NAPEPLD: variants seen among roughly 807,000 people sequenced by gnomAD.
NAPEPLD encodes N-acyl phosphatidylethanolamine phospholipase D.
NAPEPLD carries 23 observed loss-of-function variants against 38.1 expected under a neutral mutation model. That is an observed-to-expected ratio of 0.60 (90% confidence interval 0.43 to 0.86). The LOEUF is 0.86. NAPEPLD is among the 40% of genes least tolerant of loss of function. NAPEPLD has a pLI of 0.00. For missense variants in NAPEPLD, 411 were observed against 476.8 expected, an observed-to-expected ratio of 0.86 and a Z score of 1.28; for synonymous variants, 147 against 162.0, an observed-to-expected ratio of 0.91 and a Z score of 0.71.
intron 1 of NAPEPLD, among the ~76,000 whole-genome samples, chr7:103,132,779 C>T (rs1047797665): frequency 4.0e-5 from 6 of 151,122 alleles, no homozygotes; most frequent in Non-Finnish European, 4.4e-5. Flanking sequence ...AGCGAGACTC[C>T]GTCTCAAAGA....
At chr7:103,113,636 TTTTTTTTTTC>T (rs1209123750) in intron 4 of NAPEPLD, among the ~76,000 whole-genome samples, 1 of 27,616 alleles carries the variant, frequency 3.6e-5, no homozygotes, top group African/African-American at 4.4e-5. Flanking sequence ...CTTTTTTTTT[TTTTTTTTTTC>T]TCAAGACAGA....
At position 103,143,183 on chromosome 7, in the gene NAPEPLD, T is replaced by C. The variant is rs143682724; in HGVS notation, c.-17+5628A>G. Among the ~76,000 whole-genome samples, 31 of 152,216 alleles carry C rather than the reference T, an allele frequency of 2.0e-4. No individual in the cohort carries two copies. In the East Asian group the frequency reaches 5.6e-3, roughly 28 times the overall value. On this transcript the variant is annotated intron_variant, in intron 1 of 4. Coordinates refer to ENST00000465647, the MANE Select transcript of NAPEPLD (RefSeq NM_001122838.3). ...TCAAGGCTGTAGTGAGCCGTGATCATGCCACTGCACTCCAGCCTGGGTGAC... is the reference window on the plus strand; with the variant it reads ...TCAAGGCTGTAGTGAGCCGTGATCACGCCACTGCACTCCAGCCTGGGTGAC...
intron 2 of NAPEPLD, among the ~76,000 whole-genome samples, chr7:103,125,653 C>T (rs968083931): frequency 7.9e-5 from 12 of 152,016 alleles, no homozygotes; most frequent in Non-Finnish European, 1.8e-4. Flanking sequence ...GAAGCCGGGG[C>T]GGGTGGATCA....
intron 3 of NAPEPLD, among the ~76,000 whole-genome samples, chr7:103,117,971 T>C (rs1305918173): frequency 6.6e-6 from 1 of 152,096 alleles, no homozygotes; most frequent in Non-Finnish European, 1.5e-5. Flanking sequence ...TCACTTGAGG[T>C]CAGGAGTTCA....
chr7:103,127,450 T>C (rs1337214043), intron 2 of NAPEPLD: 1 of 152,148 alleles, frequency 6.6e-6, no homozygotes, highest in African/African-American at 2.4e-5. Flanking sequence ...GGAAGTTCAC[T>C]GAAAATATGC....
intron 4 of NAPEPLD, among the ~76,000 whole-genome samples, chr7:103,105,914 C>G (rs1386107933): frequency 9.3e-6 from 1 of 108,076 alleles, no homozygotes; most frequent in African/African-American, 3.8e-5. Context: ...GCCTGAGCAA[C>G]AGAATGAGAC....
At chr7:103,148,705 G>C (rs972506044) in intron 1 of NAPEPLD, 106 bp downstream of exon 1, 1 of 640,036 alleles carries the variant, frequency 1.6e-6, no homozygotes, top group Non-Finnish European at 1.9e-6. Flanking sequence ...AAACCTGTTG[G>C]AATGGATTTT....
intron 1 of NAPEPLD, among the ~76,000 whole-genome samples, chr7:103,136,677 A>C (rs1411534095): frequency 6.6e-6 from 1 of 152,070 alleles, no homozygotes; most frequent in Non-Finnish European, 1.5e-5. Flanking sequence ...TTCAGGTGAA[A>C]GATAAAACAT....
At chr7:103,138,473 CTTTTT>C (rs59334185) in intron 1 of NAPEPLD, among the ~76,000 whole-genome samples, 1 of 144,680 alleles carries the variant, frequency 6.9e-6, no homozygotes, top group African/African-American at 2.5e-5. Context: ...TTCTACAGCC[CTTTTT>C]TTTTTTTGAG....
intron 4 of NAPEPLD, among the ~76,000 whole-genome samples, chr7:103,105,997 G>A (rs1434314736): frequency 6.6e-6 from 1 of 151,306 alleles, no homozygotes; most frequent in African/African-American, 2.4e-5. Context: ...CTCCCAGTGA[G>A]GTCTACACAG....
At chr7:103,120,354 T>C (rs1469565335) in intron 2 of NAPEPLD, 131 bp from the exon 3 acceptor site, 1 of 957,260 alleles carries the variant, frequency 1.0e-6, no homozygotes, top group African/African-American at 1.6e-5. Context: ...TCAATAAACT[T>C]GCTACACTTT....
intron 2 of NAPEPLD, among the ~76,000 whole-genome samples, 160 bp from the exon 3 acceptor site, chr7:103,120,383 G>A: frequency 6.6e-6 from 1 of 152,172 alleles, no homozygotes. Flanking sequence ...TCTTGAAAAT[G>A]CATACTTCTT....
chr7:103,127,733 A>G (rs1808116668), intron 2 of NAPEPLD: 1 of 152,180 alleles, frequency 6.6e-6, no homozygotes, highest in Non-Finnish European at 1.5e-5. Flanking sequence ...GATGAAAGAG[A>G]TGTTGTTAAC....
chr7:103,140,513 C>T (rs1160348883), intron 1 of NAPEPLD, among the ~76,000 whole-genome samples: 2 of 151,542 alleles, frequency 1.3e-5, no homozygotes, highest in African/African-American at 2.4e-5. Flanking sequence ...CTGCCTCAGC[C>T]TCCCAAGTGG....
rs115259780 is a variant in NAPEPLD at position 103,123,310 on chromosome 7, A to G, written c.295-3087T>C. The stretch of plus-strand genomic sequence containing the variant: ...CAGTGCTCAGTTTGATTAATGAAAC[A>G]CAGCATGTGCTCAACAAAATTTGTT... On this transcript the variant is annotated intron_variant, in intron 2 of 4. Transcript: ENST00000465647. Among the ~76,000 whole-genome samples the G allele has an allele frequency of 4.3e-3, 650 of 152,326 alleles. 3 individuals are homozygous for G. Among genetic ancestry groups the G allele is most frequent in the African/African-American group, 0.015 (614 of 41,572 alleles).
At chr7:103,112,319 C>A (rs1385958369) in intron 4 of NAPEPLD, among the ~76,000 whole-genome samples, 2 of 152,168 alleles carry the variant, frequency 1.3e-5, no homozygotes, top group African/African-American at 4.8e-5. Flanking sequence ...TTTATTGAGG[C>A]ACTGTTCACA....
At chr7:103,147,914 A>G in intron 1 of NAPEPLD, 5 of 880,874 alleles carry the variant, frequency 5.7e-6, no homozygotes, top group African/African-American at 1.8e-5. Context: ...AACAAATTTA[A>G]CCCCTCAATC....
At chr7:103,133,426 GT>G (rs1160792118) in intron 1 of NAPEPLD, among the ~76,000 whole-genome samples, 1 of 152,194 alleles carries the variant, frequency 6.6e-6, no homozygotes, top group Non-Finnish European at 1.5e-5. Flanking sequence ...CTCTGGACTG[GT>G]TTTTCTGGAG....
intron 1 of NAPEPLD, chr7:103,129,238 A>G (rs1303701826): frequency 1.1e-6 from 1 of 904,804 alleles, no homozygotes; most frequent in East Asian, 1.2e-4. Flanking sequence ...GCACAAACAA[A>G]CAAACAAACA....
Sources: gnomAD v4.1 joint callset for allele counts (sites outside exome capture counted in the v4.1 genomes callset) on GRCh38, gnomAD v4.1.1 for gene constraint, MANE v1.5 for transcripts, NCBI Gene and HGNC (gene_info 2026-07-23, HGNC 2026-07-21) for gene names.